The following LARGE1 variants were observed in gnomAD, a reference collection of about 807,000 sequenced individuals.
LARGE1 encodes the protein xylosyl- and glucuronyltransferase LARGE1.
LARGE1 carries 43 observed loss-of-function variants against 87.6 expected under a neutral mutation model. That is an observed-to-expected ratio of 0.49 (90% CI 0.38 to 0.63). LARGE1 has a LOEUF of 0.63. Among genes scored for constraint, LARGE1 ranks in the 30% least tolerant of loss-of-function variants. LARGE1 has a pLI of 0.00. For synonymous variants in LARGE1, 434 were observed against 394.6 expected (o/e 1.10, Z -1.18); for missense variants, 802 against 1,000.2 (o/e 0.80, Z 2.67).
At chr22:33,918,130 C>A (rs1313888901) in intron 1 of LARGE1, among the ~76,000 whole-genome samples, 1 of 152,208 alleles carries the variant, frequency 6.6e-6, no homozygotes, top group Non-Finnish European at 1.5e-5. Flanking sequence ...GGAAGCACTT[C>A]CGAGACCTAT....
At chr22:33,169,653 C>A (rs192473255) in intron 11 of LARGE1, among the ~76,000 whole-genome samples, 6 of 151,886 alleles carry the variant, frequency 4.0e-5, no homozygotes, top group Non-Finnish European at 7.4e-5. Context: ...AGATTGAGAT[C>A]ATACTGGCTA....
At chr22:33,075,657 C>T in the LARGE1 span, among the ~76,000 whole-genome samples, 1 of 152,168 alleles carries the variant, frequency 6.6e-6, no homozygotes, top group Non-Finnish European at 1.5e-5. Context: ...TATGACAATT[C>T]TTATTTACTC....
chr22:33,825,899 T>G (rs556258031), intron 1 of LARGE1, among the ~76,000 whole-genome samples: 12 of 151,984 alleles, frequency 7.9e-5, no homozygotes, highest in South Asian at 6.2e-4. Context: ...GGCGTTATAA[T>G]GGAGGGACAA....
At chr22:33,082,020 GTTA>G in the LARGE1 span, among the ~76,000 whole-genome samples, 2 of 151,768 alleles carry the variant, frequency 1.3e-5, no homozygotes, top group Non-Finnish European at 1.5e-5. Context: ...TATTGTCGTT[GTTA>G]TTATTATTAT....
At chr22:33,908,487 A>T (rs1035918408) in intron 1 of LARGE1, among the ~76,000 whole-genome samples, 1 of 151,554 alleles carries the variant, frequency 6.6e-6, no homozygotes, top group Non-Finnish European at 1.5e-5. Context: ...TCTAGGGGGA[A>T]AAAAATCAGT....
At chr22:33,818,734 G>A (rs1470773081) in intron 1 of LARGE1, among the ~76,000 whole-genome samples, 1 of 152,190 alleles carries the variant, frequency 6.6e-6, no homozygotes, top group East Asian at 1.9e-4. Context: ...AAACAAAGCA[G>A]ATTTGCCTGT....
At chr22:33,594,952 G>A (rs373406658) in intron 5 of LARGE1, among the ~76,000 whole-genome samples, 1 of 152,190 alleles carries the variant, frequency 6.6e-6, no homozygotes, top group African/African-American at 2.4e-5. Context: ...GACTTGTGGT[G>A]CATGAGATAG....
intron 2 of LARGE1, among the ~76,000 whole-genome samples, chr22:33,730,190 T>C (rs755487357): frequency 1.3e-5 from 2 of 152,224 alleles, no homozygotes; most frequent in Non-Finnish European, 2.9e-5. Context: ...AAAACCTCTA[T>C]GATGATCTGC....
At chr22:33,655,997 A>G (rs2080948616) in intron 2 of LARGE1, among the ~76,000 whole-genome samples, 1 of 152,100 alleles carries the variant, frequency 6.6e-6, no homozygotes, top group Non-Finnish European at 1.5e-5. Flanking sequence ...TAGGCAAAAT[A>G]CTTAACTTTT....
intron 6 of LARGE1, among the ~76,000 whole-genome samples, chr22:33,532,903 C>A (rs2076939587): frequency 6.6e-6 from 1 of 152,208 alleles, no homozygotes; most frequent in Non-Finnish European, 1.5e-5. Context: ...AGAGCATGAG[C>A]TAGTGCCCCA....
chr22:33,224,659 G>A (rs1355289654), intron 11 of LARGE1, among the ~76,000 whole-genome samples: 3 of 152,038 alleles, frequency 2.0e-5, no homozygotes. Context: ...GACCTAAACC[G>A]AGATCCAACA....
chr22:33,239,230 ATTGC>A (rs1445466569), intron 11 of LARGE1, among the ~76,000 whole-genome samples: 2 of 152,024 alleles, frequency 1.3e-5, no homozygotes, highest in African/African-American at 4.8e-5. Flanking sequence ...ACCTAGTGAA[ATTGC>A]TGCATCAAAG....
chr22:33,760,473 CCT>C (rs1041104578), intron 2 of LARGE1, among the ~76,000 whole-genome samples: 1 of 152,150 alleles, frequency 6.6e-6, no homozygotes, highest in Non-Finnish European at 1.5e-5. Flanking sequence ...CTCCAACAAA[CCT>C]CTCCCACAGC....
intron 1 of LARGE1, among the ~76,000 whole-genome samples, chr22:33,776,428 G>T (rs388536): frequency 6.6e-6 from 1 of 152,204 alleles, no homozygotes; most frequent in Non-Finnish European, 1.5e-5. Flanking sequence ...TGCCAAAGAG[G>T]TCTTTAACGC....
At chr22:33,494,963 G>A (rs2070032662) in intron 6 of LARGE1, among the ~76,000 whole-genome samples, 1 of 152,116 alleles carries the variant, frequency 6.6e-6, no homozygotes, top group Admixed American at 6.5e-5. Flanking sequence ...GGGCTCAAGG[G>A]GAGAGCCACA....
At chr22:33,438,540 T>A (rs1480939529) in intron 6 of LARGE1, among the ~76,000 whole-genome samples, 1 of 152,172 alleles carries the variant, frequency 6.6e-6, no homozygotes, top group Non-Finnish European at 1.5e-5. Context: ...GGGGCCCTGG[T>A]GTTGGTGTCA....
intron 7 of LARGE1, among the ~76,000 whole-genome samples, chr22:33,405,905 T>C (rs568907902): frequency 1.3e-4 from 20 of 152,276 alleles, no homozygotes; most frequent in Middle Eastern, 3.4e-3. Flanking sequence ...GTTAACTCAT[T>C]AGAATAAATG....
chr22:33,368,644 G>A (rs1438219199), intron 9 of LARGE1, among the ~76,000 whole-genome samples: 1 of 151,862 alleles, frequency 6.6e-6, no homozygotes, highest in African/African-American at 2.4e-5. Context: ...GTGTGTGTGT[G>A]CCTGTTTGTG....
intron 11 of LARGE1, among the ~76,000 whole-genome samples, chr22:33,217,007 C>T (rs181208484): frequency 6.6e-6 from 1 of 152,234 alleles, no homozygotes; most frequent in East Asian, 1.9e-4. Flanking sequence ...AAAGTTAAAA[C>T]GTCGGACAGT....
Sources: gnomAD v4.1 joint callset for allele counts (sites outside exome capture counted in the v4.1 genomes callset) on GRCh38, gnomAD v4.1.1 for gene constraint, MANE v1.5 for transcripts, NCBI Gene and HGNC (gene_info 2026-07-23, HGNC 2026-07-21) for gene names.